The following HMGA2 variants were observed in gnomAD, a reference collection of about 807,000 sequenced individuals.
HMGA2 encodes the protein high mobility group protein HMGI-C.
In HMGA2, 8 loss-of-function variants were observed where a neutral mutation model predicts 19.1. The ratio of observed to expected loss-of-function variants is 0.42; its 90% CI spans 0.25 to 0.76. The LOEUF is 0.76. Among genes scored for constraint, HMGA2 ranks in the 30% least tolerant of loss-of-function variants. The probability of loss-of-function intolerance (pLI) is 0.28; values close to 1 mark genes in which losing one functional copy is unlikely to be tolerated. For synonymous variants in HMGA2, 60 were observed against 48.8 expected, an observed-to-expected ratio of 1.23 and a Z score of -0.96; for missense variants, 109 against 136.3, an observed-to-expected ratio of 0.80 and a Z score of 1.00.
chr12:65,849,608 C>T (rs1871366885), intron 3 of HMGA2, among the ~76,000 whole-genome samples: 1 of 152,016 alleles, frequency 6.6e-6, no homozygotes, highest in African/African-American at 2.4e-5. Flanking sequence ...TCCTAATTCT[C>T]CTTATTATAA....
intron 3 of HMGA2, among the ~76,000 whole-genome samples, chr12:65,883,904 G>A (rs1049114729): frequency 2.6e-5 from 4 of 152,142 alleles, no homozygotes; most frequent in Non-Finnish European, 4.4e-5. Context: ...TCACTCTGTC[G>A]CCCAGGCTAG....
intron 3 of HMGA2, among the ~76,000 whole-genome samples, chr12:65,898,712 T>C (rs1407272763): frequency 2.0e-5 from 3 of 152,148 alleles, no homozygotes; most frequent in Non-Finnish European, 2.9e-5. Flanking sequence ...TTAATCCTCC[T>C]AGCCTCCCTG....
chr12:65,943,781 T>C (rs748543054), intron 3 of HMGA2, among the ~76,000 whole-genome samples: 53 of 152,154 alleles, frequency 3.5e-4, no homozygotes, highest in Non-Finnish European at 5.1e-4. Flanking sequence ...TAACCACCCA[T>C]AGCTACATGT....
chr12:65,867,408 C>T lies in HMGA2; in HGVS notation c.249+28839C>T, dbSNP rs148417588. ...TGTTAGTGGGAAAGCCAGGAACCAG[C>T]ACACTTGGAGTGTCATCTGAGCAGG... On this transcript the variant is annotated intron_variant, in intron 3 of 4. Transcript: ENST00000403681. 6.2e-4 allele frequency: 262 copies of T among 420,724 alleles called. 1 individual carries two copies. The highest frequency in any genetic ancestry group is 5.0e-3 in the African/African-American group (247 of 49,142). 26.1% of individuals were successfully genotyped at this position (420,724 alleles called of 1,614,324 possible). A position where few individuals can be genotyped will look rare whatever the true frequency, so the allele number is the denominator to read the frequency against.
chr12:65,960,822 TA>T (rs1266291817), intron 4 of HMGA2, among the ~76,000 whole-genome samples: 1 of 152,230 alleles, frequency 6.6e-6, no homozygotes, highest in African/African-American at 2.4e-5. Context: ...CACATTGTCT[TA>T]AGGACAGTTA....
At chr12:65,861,221 G>A (rs182771203) in intron 3 of HMGA2, among the ~76,000 whole-genome samples, 195 of 152,130 alleles carry the variant, frequency 1.3e-3, no homozygotes, top group African/African-American at 4.1e-3. Context: ...CAAAAAATGA[G>A]CGGGCATGGT....
intron 3 of HMGA2, among the ~76,000 whole-genome samples, chr12:65,886,092 A>G (rs1051477529): frequency 6.6e-6 from 1 of 152,216 alleles, no homozygotes; most frequent in African/African-American, 2.4e-5. Flanking sequence ...CACTTACAAA[A>G]AAATTACTAG....
intron 3 of HMGA2, among the ~76,000 whole-genome samples, chr12:65,865,162 C>A (rs923801755): frequency 3.9e-5 from 6 of 152,172 alleles, no homozygotes; most frequent in South Asian, 2.1e-4. Context: ...TGTAAGGATG[C>A]AGTATATAAT....
intron 3 of HMGA2, among the ~76,000 whole-genome samples, chr12:65,880,105 T>C (rs893451391): frequency 6.6e-6 from 1 of 152,088 alleles, no homozygotes; most frequent in Non-Finnish European, 1.5e-5. Context: ...CGATGGGAGG[T>C]GCCACTTGCA....
intron 3 of HMGA2, among the ~76,000 whole-genome samples, chr12:65,936,846 C>G (rs1051266101): frequency 2.0e-5 from 3 of 152,150 alleles, no homozygotes; most frequent in African/African-American, 7.2e-5. Context: ...TTACGCATAC[C>G]TGGTCTCATA....
At chr12:65,918,536 A>G (rs561730447) in intron 3 of HMGA2, among the ~76,000 whole-genome samples, 2 of 152,350 alleles carry the variant, frequency 1.3e-5, no homozygotes, top group African/African-American at 4.8e-5. Flanking sequence ...CTTTGTATGC[A>G]GTGATGACAT....
At chr12:65,854,086 C>A (rs1260249930) in intron 3 of HMGA2, among the ~76,000 whole-genome samples, 1 of 152,148 alleles carries the variant, frequency 6.6e-6, no homozygotes, top group Non-Finnish European at 1.5e-5. Context: ...TGAAAAATGG[C>A]TGATGAAGGT....
intron 3 of HMGA2, among the ~76,000 whole-genome samples, chr12:65,861,684 A>G (rs1039464305): frequency 6.6e-6 from 1 of 150,488 alleles, no homozygotes; most frequent in African/African-American, 2.4e-5. Flanking sequence ...TTGTAGTTCC[A>G]TGGAAAACAA....
intron 3 of HMGA2, among the ~76,000 whole-genome samples, chr12:65,950,210 A>G (rs1467858483): frequency 6.6e-6 from 1 of 152,262 alleles, no homozygotes; most frequent in Non-Finnish European, 1.5e-5. Flanking sequence ...TCCCAGGTAC[A>G]TACCCAAGAA....
intron 4 of HMGA2, chr12:65,952,259 T>A: frequency 2.3e-6 from 2 of 855,946 alleles, no homozygotes; most frequent in Non-Finnish European, 1.9e-6. Context: ...TCATGAGCTA[T>A]CAAATTAAGT....
At chr12:65,850,920 A>G (rs183252784) in intron 3 of HMGA2, among the ~76,000 whole-genome samples, 127 of 152,328 alleles carry the variant, frequency 8.3e-4, no homozygotes, top group African/African-American at 2.9e-3. Context: ...GTCTTCATGT[A>G]TTCAACCTAG....
At chr12:65,932,813 T>C (rs1875762412) in intron 3 of HMGA2, among the ~76,000 whole-genome samples, 1 of 152,200 alleles carries the variant, frequency 6.6e-6, no homozygotes, top group African/African-American at 2.4e-5. Context: ...TTGTGACAGG[T>C]CTACTGTCTA....
rs192487108 is a variant in HMGA2, at chr12:65,865,791, C to T, written c.249+27222C>T. Reference sequence around the variant, plus strand: ...CTGGGACTACAGGCACCTGCCACCACGCCCGGCTAATTTTTTTTTTTTTGG... The same window carrying T: ...CTGGGACTACAGGCACCTGCCACCATGCCCGGCTAATTTTTTTTTTTTTGG... On this transcript the variant is annotated intron_variant, in intron 3 of 4. Transcript: ENST00000403681. 2.1e-3 allele frequency among the ~76,000 whole-genome samples: 314 copies of T among 151,648 alleles called. 6 individuals carry two copies. Among genetic ancestry groups the T allele is most frequent in the Admixed American group, 0.019 (287 of 15,230 alleles).
chr12:65,829,634 C>A (rs1870387642), intron 2 of HMGA2, among the ~76,000 whole-genome samples: 1 of 152,010 alleles, frequency 6.6e-6, no homozygotes, highest in African/African-American at 2.4e-5. Flanking sequence ...AGGAAGAAAT[C>A]TTTAAATTTC....
Sources: allele counts gnomAD v4.1 joint callset (sites outside exome capture counted in the v4.1 genomes callset), GRCh38; gene constraint gnomAD v4.1.1; transcripts MANE v1.5; gene names NCBI Gene and HGNC (gene_info 2026-07-23, HGNC 2026-07-21).